Variants in PRKAG2 observed in about 807,000 individuals in gnomAD.
The protein encoded by PRKAG2 is protein kinase AMP-activated non-catalytic subunit gamma 2, also known as 5'-AMP-activated protein kinase subunit gamma-2.
A neutral mutation model predicts 69.6 loss-of-function variants in PRKAG2; 26 were observed. That is an observed-to-expected ratio of 0.37 (90% CI 0.27 to 0.52). PRKAG2 has a LOEUF of 0.52. PRKAG2 is among the 20% of genes least tolerant of loss of function. PRKAG2 has a pLI of 0.90. For synonymous variants in PRKAG2, 293 were observed against 285.0 expected (o/e 1.03, Z -0.28); for missense variants, 557 against 740.0 (o/e 0.75, Z 2.87).
At chr7:151,689,556 G>A (rs1835326745) in intron 3 of PRKAG2, among the ~76,000 whole-genome samples, 1 of 152,330 alleles carries the variant, frequency 6.6e-6, no homozygotes, top group Non-Finnish European at 1.5e-5. Context: ...AGCAGGAGAA[G>A]GCGGCAGAGG....
chr7:151,727,681 T>C (rs1798216125), intron 3 of PRKAG2, among the ~76,000 whole-genome samples: 1 of 150,574 alleles, frequency 6.6e-6, no homozygotes, highest in Admixed American at 6.6e-5. Flanking sequence ...AGCTGTTCTG[T>C]GATCAAAACA....
intron 3 of PRKAG2, among the ~76,000 whole-genome samples, chr7:151,680,074 G>C (rs1833608502): frequency 6.6e-6 from 1 of 152,032 alleles, no homozygotes; most frequent in South Asian, 2.1e-4. Context: ...ACAACAAAAT[G>C]AGCCCAAACT....
chr7:151,582,894 T>C (rs1478218685), intron 6 of PRKAG2, among the ~76,000 whole-genome samples: 1 of 152,214 alleles, frequency 6.6e-6, no homozygotes, highest in Non-Finnish European at 1.5e-5. Flanking sequence ...CTCACAGGTG[T>C]AGGGTGTGGA....
chr7:151,818,875 A>G (rs909360377), intron 1 of PRKAG2, among the ~76,000 whole-genome samples: 7 of 152,250 alleles, frequency 4.6e-5, no homozygotes, highest in Admixed American at 3.3e-4. Flanking sequence ...CCTCATTCCT[A>G]TGACAGCTTG....
rs1214166733 is a variant in PRKAG2, at chr7:151,825,036, AC to A, written c.115-38496del. On this transcript the variant is annotated intron_variant, in intron 1 of 15. Coordinates refer to ENST00000287878, the MANE Select transcript of PRKAG2 (RefSeq NM_016203.4). ...AGACCAGCCTGGCCAACATGGTGAAACCCCGTCTCTACTAAAAATACAAAAA... is the reference window on the plus strand; with the variant it reads ...AGACCAGCCTGGCCAACATGGTGAAACCCGTCTCTACTAAAAATACAAAAA... Among the ~76,000 whole-genome samples the A allele has an allele frequency of 3.0e-5, 4 of 133,542 alleles. No individual in the cohort carries two copies. The Admixed American group carries it at 3.2e-4, about 11-fold the overall frequency. 87.6% of individuals were successfully genotyped at this position (133,542 alleles called of 152,430 possible).
chr7:151,668,859 G>C lies in PRKAG2; in HGVS notation c.684+6561C>G, dbSNP rs150914193. Among the ~76,000 whole-genome samples the C allele has an allele frequency of 5.1e-3, 777 of 152,302 alleles. 7 individuals carry two copies. Among genetic ancestry groups the C allele is most frequent in the African/African-American group, 0.018 (747 of 41,564 alleles). On this transcript the variant is annotated intron_variant, in intron 4 of 15. Coordinates refer to ENST00000287878, the MANE Select transcript of PRKAG2 (RefSeq NM_016203.4). ...ACTTGCTCCTGAAACCCCAGCTCAGGCTCTGCTTCCAATAAATCAAAAGTG... is the reference window on the plus strand; with the variant it reads ...ACTTGCTCCTGAAACCCCAGCTCAGCCTCTGCTTCCAATAAATCAAAAGTG...
At chr7:151,669,271 TCAC>T (rs1831477610) in intron 4 of PRKAG2, among the ~76,000 whole-genome samples, 1 of 152,220 alleles carries the variant, frequency 6.6e-6, no homozygotes, top group Non-Finnish European at 1.5e-5. Context: ...ACACTAGAGA[TCAC>T]CACTTCTTTA....
At chr7:151,782,339 AGGAGGGAGGGAGGGAGGGAG>A (rs377723859) in intron 2 of PRKAG2, among the ~76,000 whole-genome samples, 2 of 25,348 alleles carry the variant, frequency 7.9e-5, no homozygotes, top group Non-Finnish European at 1.8e-4. Context: ...GAAGGAAGGA[AGGAGGGAGGGAGGGAGGGAG>A]GGAGGGAGGG....
chr7:151,726,072 G>A (rs575116467), intron 3 of PRKAG2, among the ~76,000 whole-genome samples: 12 of 152,046 alleles, frequency 7.9e-5, no homozygotes, highest in Admixed American at 7.2e-4. Context: ...CTCAGAGATG[G>A]TGCTCCCTCT....
intron 4 of PRKAG2, among the ~76,000 whole-genome samples, chr7:151,639,945 T>G (rs1279882239): frequency 6.6e-6 from 1 of 152,192 alleles, no homozygotes; most frequent in Non-Finnish European, 1.5e-5. Context: ...CTCCATCCGT[T>G]TCTATCATCT....
At chr7:151,599,030 T>C (rs541623128) in intron 5 of PRKAG2, among the ~76,000 whole-genome samples, 1 of 152,244 alleles carries the variant, frequency 6.6e-6, no homozygotes, top group South Asian at 2.1e-4. Context: ...ATTTGTATTT[T>C]TAGTAGAGAC....
chr7:151,562,105 C>T (rs1388141650), intron 14 of PRKAG2, among the ~76,000 whole-genome samples: 1 of 143,004 alleles, frequency 7.0e-6, no homozygotes, highest in Non-Finnish European at 1.5e-5. Context: ...ATTAGCTGGG[C>T]GTGGTGGTGC....
At position 151,688,045 on chromosome 7, in the gene PRKAG2, C is replaced by CCCCCCA. The variant is rs1554539833; in HGVS notation, c.467-12409_467-12408insTGGGGG. On this transcript the variant is annotated intron_variant, in intron 3 of 15. Coordinates refer to ENST00000287878, the MANE Select transcript of PRKAG2 (RefSeq NM_016203.4). ...AGGAGGAGGAGGAGGAAATGAGGCC[C>CCCCCCA]CCCCCCGGGCTCCTTGCTGAGTCAG... is the stretch of plus-strand genomic sequence containing the variant. Among the ~76,000 whole-genome samples, 30 of 107,798 alleles carry CCCCCCA rather than the reference C, an allele frequency of 2.8e-4. 2 individuals are homozygous for CCCCCCA. Among genetic ancestry groups the CCCCCCA allele is most frequent in the Admixed American group, 2.3e-3 (28 of 12,124 alleles). 70.7% of individuals were successfully genotyped at this position (107,798 alleles called of 152,430 possible). A position where few individuals can be genotyped will look rare whatever the true frequency, so the allele number is the denominator to read the frequency against.
At chr7:151,857,524 C>G (rs1167661226) in intron 1 of PRKAG2, among the ~76,000 whole-genome samples, 1 of 152,228 alleles carries the variant, frequency 6.6e-6, no homozygotes, top group Non-Finnish European at 1.5e-5. Context: ...CCGGCACCAT[C>G]TGTCTGTTCA....
At chr7:151,566,646 A>G (rs1158145865) in intron 11 of PRKAG2, 1 of 440,046 alleles carries the variant, frequency 2.3e-6, no homozygotes, top group Non-Finnish European at 4.5e-6. Flanking sequence ...GAACAATTAG[A>G]AGAAACAAAA....
At chr7:151,560,929 A>AAC (rs371351022) in intron 14 of PRKAG2, among the ~76,000 whole-genome samples, 45 of 151,928 alleles carry the variant, frequency 3.0e-4, no homozygotes, top group Admixed American at 1.4e-3. Flanking sequence ...AGAAAAAAGC[A>AAC]ACACACACAC....
Position 151,807,451 on chromosome 7 carries a change from G to C in PRKAG2, c.115-20910C>G, listed in dbSNP as rs1197946443. On this transcript the variant is annotated intron_variant, in intron 1 of 15. Transcript: ENST00000287878. The surrounding 1 kb of genome is among the most constrained non-coding windows in gnomAD (Gnocchi z 4.4). ...TCTCTAAAACTCTCCAGTTTCAATT[G>C]GCCTCTTGGTGCCAAAGCACCATGG... 2.2e-6 allele frequency: 1 copy of C among 457,834 alleles called. No individual in the cohort carries two copies. Among genetic ancestry groups the C allele is most frequent in the South Asian group, 1.5e-5 (1 of 64,570 alleles). 28.4% of individuals were successfully genotyped at this position (457,834 alleles called of 1,614,324 possible).
In PRKAG2 at chr7:151,876,639, A is replaced by G; in HGVS notation, c.-19T>C. The G allele has an allele frequency of 6.2e-7, 1 of 1,604,076 alleles. No individual in the cohort carries two copies. Among genetic ancestry groups the G allele is most frequent in the Admixed American group, 1.7e-5 (1 of 60,030 alleles). ...TTCCCATAACTCTAACCAGAAGTTG[A>G]TTCTGCGAAACTCCTCGGGGGTTCG... On this transcript the variant is annotated 5_prime_UTR_variant, in exon 1 of 16. Transcript: ENST00000287878.
At chr7:151,634,640 T>C (rs1825416197) in intron 4 of PRKAG2, among the ~76,000 whole-genome samples, 1 of 152,112 alleles carries the variant, frequency 6.6e-6, no homozygotes, top group Non-Finnish European at 1.5e-5. Context: ...ATGTCTGGAA[T>C]ACATAAACAC....
Sources: gnomAD v4.1 joint callset for allele counts (sites outside exome capture counted in the v4.1 genomes callset) on GRCh38, gnomAD v4.1.1 for gene constraint, Gnocchi (gnomAD v3.1) non-coding constraint, MANE v1.5 for transcripts, NCBI Gene and HGNC (gene_info 2026-07-23, HGNC 2026-07-21) for gene names.